TRIM22: variants seen among roughly 807,000 people sequenced by gnomAD.
The protein encoded by TRIM22 is E3 ubiquitin-protein ligase TRIM22.
TRIM22 carries 45 observed loss-of-function variants against 53.6 expected under a neutral mutation model. The observed-to-expected ratio is 0.84, with a 90% CI of 0.66 to 1.08. The LOEUF (loss-of-function observed/expected upper bound fraction) is 1.08. Among genes scored for constraint, TRIM22 ranks in the 50% least tolerant of loss-of-function variants. The pLI is 0.00. For synonymous variants in TRIM22, 225 were observed against 216.6 expected (o/e 1.04, Z -0.34); for missense variants, 616 against 590.9 (o/e 1.04, Z -0.44).
At chr11:5,695,855 G>T (rs1445559421) in intron 1 of TRIM22, among the ~76,000 whole-genome samples, 2 of 152,166 alleles carry the variant, frequency 1.3e-5, no homozygotes, top group Non-Finnish European at 2.9e-5. Context: ...TTGGGTTGGG[G>T]AACAAAAGGC....
At chr11:5,701,656 T>A (rs1013991184) in intron 4 of TRIM22, among the ~76,000 whole-genome samples, 4 of 152,202 alleles carry the variant, frequency 2.6e-5, no homozygotes, top group Non-Finnish European at 5.9e-5. Flanking sequence ...ACAAACTTTA[T>A]AACTTAAAAC....
chr11:5,696,728 T>C, intron 2 of TRIM22, 73 bp downstream of exon 2: 1 of 1,478,556 alleles, frequency 6.8e-7, no homozygotes, highest in Non-Finnish European at 9.1e-7. Flanking sequence ...CCACTTTTTT[T>C]GTCCTGCTTT....
At chr11:5,701,987 T>C (rs925505462) in intron 4 of TRIM22, among the ~76,000 whole-genome samples, 1 of 151,486 alleles carries the variant, frequency 6.6e-6, no homozygotes, top group Non-Finnish European at 1.5e-5. Flanking sequence ...CTTTTAACTA[T>C]TTTGTATTAT....
intron 4 of TRIM22, among the ~76,000 whole-genome samples, chr11:5,706,315 T>G (rs377606084): frequency 1.4e-3 from 217 of 152,286 alleles, no homozygotes; most frequent in African/African-American, 5.0e-3. Context: ...TATCCAGGGA[T>G]AGTAAGAGTG....
In TRIM22 at chr11:5,709,262, G is replaced by T; in HGVS notation, c.1111G>T (p.Val371Leu). ...VSGKIAWILGVHSKISSLNKR... is the reference protein window; with the variant it reads ...VSGKIAWILGLHSKISSLNKR... The stretch of plus-strand genomic sequence containing the variant: ...TGGAAAGATTGCCTGGATCCTGGGC[G>T]TACACAGTAAAATAAGTAGTCTGAA... The change falls in exon 8 of 8, where the codon GTA (valine) becomes TTA (leucine). Residue 371 changes from valine to leucine, a missense_variant. Transcript: ENST00000379965. The T allele has an allele frequency of 6.2e-7, 1 of 1,614,140 alleles. No individual in the cohort carries two copies. The highest frequency in any genetic ancestry group is 8.5e-7 in the Non-Finnish European group (1 of 1,180,028).
intron 4 of TRIM22, 123 bp downstream of exon 4, chr11:5,698,668 C>T (rs1418257580): frequency 3.7e-5 from 28 of 764,746 alleles, no homozygotes; most frequent in South Asian, 3.0e-4. Context: ...TCCTTTGGCC[C>T]GGCATGCCCC....
chr11:5,699,184 TC>T (rs958086632), intron 4 of TRIM22, among the ~76,000 whole-genome samples: 1 of 152,220 alleles, frequency 6.6e-6, no homozygotes, highest in African/African-American at 2.4e-5. Flanking sequence ...CACTTACATG[TC>T]CTCATACAAA....
At chr11:5,707,419 G>A (rs1853477887) in intron 5 of TRIM22, among the ~76,000 whole-genome samples, 1 of 152,098 alleles carries the variant, frequency 6.6e-6, no homozygotes, top group African/African-American at 2.4e-5. Flanking sequence ...ACCTGTCTAG[G>A]AACCCACATC....
intron 1 of TRIM22, among the ~76,000 whole-genome samples, chr11:5,693,486 C>A (rs925333799): frequency 6.6e-6 from 1 of 151,426 alleles, no homozygotes; most frequent in African/African-American, 2.4e-5. Flanking sequence ...TTTGGGAGGC[C>A]GAGGCGGGCA....
At chr11:5,700,026 TTTAA>T (rs982288118) in intron 4 of TRIM22, among the ~76,000 whole-genome samples, 1 of 152,092 alleles carries the variant, frequency 6.6e-6, no homozygotes, top group Admixed American at 6.5e-5. Context: ...GAGTTTTTTT[TTTAA>T]TGTCAATTCT....
At chr11:5,704,861 CA>C (rs1853434908) in intron 4 of TRIM22, among the ~76,000 whole-genome samples, 1 of 152,092 alleles carries the variant, frequency 6.6e-6, no homozygotes, top group South Asian at 2.1e-4. Context: ...CCCTGTTTCA[CA>C]AACAGTTTGG....
At chr11:5,697,382 A>G in intron 3 of TRIM22, 39 bp downstream of exon 3, 1 of 1,505,394 alleles carries the variant, frequency 6.6e-7, no homozygotes, top group Non-Finnish European at 9.1e-7. Flanking sequence ...TTAGACAGGA[A>G]TCTGGGCAGG....
intron 6 of TRIM22, 140 bp from the exon 7 acceptor site, chr11:5,708,437 G>A (rs1298718534): frequency 3.0e-6 from 3 of 994,390 alleles, no homozygotes; most frequent in Non-Finnish European, 4.5e-6. Context: ...GGAATGACCA[G>A]GTGTCTGATT....
In TRIM22 at chr11:5,697,287, G is replaced by A. The variant is rs7935564; in HGVS notation, c.463G>A (p.Asp155Asn). 0.57 allele frequency: 919,380 copies of A among 1,610,936 alleles called. 268,239 individuals are homozygous for A. The highest frequency in any genetic ancestry group is 0.6 in the Middle Eastern group (3,635 of 6,052). ...QVALQRLIKE[D>N]QEAEKLEDDI... ...AGCCCTGCAGAGGCTGATAAAGGAG[G>A]ATCAAGAGGCTGAGAAGCTGGAAGA... is the stretch of plus-strand genomic sequence containing the variant. Residue 155 changes from aspartate (D) to asparagine (N), a missense_variant, in exon 3 of 8, where the codon GAT becomes AAT. Physicochemically the swap from Asp to Asn is conservative, Grantham distance 23. Transcript: ENST00000379965.
intron 1 of TRIM22, among the ~76,000 whole-genome samples, chr11:5,694,453 T>C (rs372614737): frequency 5.3e-5 from 8 of 152,286 alleles, no homozygotes; most frequent in Non-Finnish European, 7.4e-5. Context: ...CAGAACTACA[T>C]AGCTGGTCTG....
chr11:5,700,584 C>CTTT (rs756680023), intron 4 of TRIM22, among the ~76,000 whole-genome samples: 1 of 29,916 alleles, frequency 3.3e-5, no homozygotes, highest in African/African-American at 1.3e-4. Flanking sequence ...CTATAGGAGT[C>CTTT]TTTTTTTTTT....
intron 4 of TRIM22, among the ~76,000 whole-genome samples, chr11:5,703,006 C>A (rs557857910): frequency 6.6e-6 from 1 of 152,284 alleles, no homozygotes; most frequent in South Asian, 2.1e-4. Flanking sequence ...AGATCATTTA[C>A]ATACTGAATC....
chr11:5,691,969 T>C (rs1311948551), intron 1 of TRIM22, among the ~76,000 whole-genome samples: 1 of 152,086 alleles, frequency 6.6e-6, no homozygotes, highest in Non-Finnish European at 1.5e-5. Flanking sequence ...TTTTGAAAAA[T>C]ATTTTTGACT....
intron 5 of TRIM22, 64 bp downstream of exon 5, chr11:5,706,680 T>G (rs1019064906): frequency 1.3e-6 from 2 of 1,483,714 alleles, no homozygotes; most frequent in Non-Finnish European, 1.8e-6. Context: ...CTGAGAGATA[T>G]CTTCCTTCAA....
Sources: allele counts gnomAD v4.1 joint callset (sites outside exome capture counted in the v4.1 genomes callset), GRCh38; gene constraint gnomAD v4.1.1; transcripts MANE v1.5; gene names NCBI Gene and HGNC (gene_info 2026-07-23, HGNC 2026-07-21).